Variants in SIPA1L3 observed in about 807,000 individuals in gnomAD.
The protein encoded by SIPA1L3 is signal induced proliferation associated 1 like 3, also known as signal-induced proliferation-associated 1-like protein 3.
In SIPA1L3, 59 loss-of-function variants were observed where a neutral mutation model predicts 150.1. That is an observed-to-expected ratio of 0.39 (90% CI 0.32 to 0.49). The LOEUF (loss-of-function observed/expected upper bound fraction) is 0.49. SIPA1L3 is among the 20% of genes least tolerant of loss of function. The pLI, the probability that SIPA1L3 is intolerant of heterozygous loss-of-function variation, is 0.86. For missense variants in SIPA1L3, 2,211 were observed against 2,489.5 expected, an observed-to-expected ratio of 0.89 and a Z score of 2.38; for synonymous variants, 1,070 against 1,077.6, an observed-to-expected ratio of 0.99 and a Z score of 0.14.
intron 1 of SIPA1L3, among the ~76,000 whole-genome samples, chr19:37,996,375 G>A (rs1353939037): frequency 6.6e-6 from 1 of 152,154 alleles, no homozygotes; most frequent in Non-Finnish European, 1.5e-5. Context: ...ACAGGCGGGA[G>A]CCCAGCCTTT....
At chr19:38,093,448 G>A (rs1970306578) in intron 4 of SIPA1L3, among the ~76,000 whole-genome samples, 1 of 152,130 alleles carries the variant, frequency 6.6e-6, no homozygotes, top group Non-Finnish European at 1.5e-5. Context: ...TTACAGAACT[G>A]TGTTGTGGGC....
At position 38,195,613 on chromosome 19, in the gene SIPA1L3, C is replaced by T. The variant is rs546611456; in HGVS notation, c.4840+1833C>T. Among the ~76,000 whole-genome samples the T allele has an allele frequency of 3.5e-4, 54 of 152,290 alleles. No homozygotes were observed. In the South Asian group the frequency reaches 9.5e-3, roughly 27 times the overall value. On this transcript the variant is annotated intron_variant, in intron 18 of 21. Transcript: ENST00000222345. ...GTAGATGTTCAGTCACTGCAAAGGA[C>T]GGGGACAGCGGCCACCACGGAGAGG...
Position 38,201,929 on chromosome 19 carries a change from C to T in SIPA1L3, c.5052C>T (p.His1684=), listed in dbSNP as rs376478955. ...TGAGCCCGGACATCCCGCCTGCACA[C>T]AGTCCTGTCCACAGCCACCTGAGCC... ...PALSPDIPPA[H]SPVHSHLSLE... Residue 1684 remains histidine (H), a synonymous_variant, in exon 20 of 22, where the codon CAC becomes CAT. Coordinates refer to ENST00000222345, the MANE Select transcript of SIPA1L3 (RefSeq NM_015073.3). 3.7e-6 allele frequency: 6 copies of T among 1,614,066 alleles called. No individual in the cohort carries two copies. In the African/African-American group the frequency reaches 6.7e-5, roughly 18 times the overall value.
chr19:38,017,641 T>C (rs543752448), intron 1 of SIPA1L3, among the ~76,000 whole-genome samples: 50 of 151,036 alleles, frequency 3.3e-4, no homozygotes, highest in Non-Finnish European at 6.9e-4. Context: ...CCTCCAGCCC[T>C]CAGCCTCCTG....
intron 3 of SIPA1L3, among the ~76,000 whole-genome samples, chr19:38,085,082 C>G (rs1168632124): frequency 6.6e-6 from 1 of 152,146 alleles, no homozygotes; most frequent in Non-Finnish European, 1.5e-5. Context: ...CATAGCTGAT[C>G]CACGTGATAC....
At chr19:38,102,126 A>G (rs1385428970) in intron 6 of SIPA1L3, among the ~76,000 whole-genome samples, 2 of 148,194 alleles carry the variant, frequency 1.3e-5, no homozygotes, top group African/African-American at 5.0e-5. Flanking sequence ...AGCTCACTGC[A>G]ACCTCCGCCT....
intron 9 of SIPA1L3, among the ~76,000 whole-genome samples, chr19:38,122,652 G>A (rs1347300664): frequency 6.6e-6 from 1 of 152,140 alleles, no homozygotes; most frequent in Non-Finnish European, 1.5e-5. Flanking sequence ...AAGCCCATGA[G>A]GCCGGGTGTG....
chr19:38,048,609 G>A (rs1363307536), intron 2 of SIPA1L3, among the ~76,000 whole-genome samples: 1 of 152,210 alleles, frequency 6.6e-6, no homozygotes, highest in East Asian at 1.9e-4. Flanking sequence ...TGGAAACTGA[G>A]TAGACAACCA....
chr19:38,117,187 A>G (rs1187122950), intron 8 of SIPA1L3, among the ~76,000 whole-genome samples: 1 of 152,116 alleles, frequency 6.6e-6, no homozygotes, highest in African/African-American at 2.4e-5. Flanking sequence ...TGACCCATCC[A>G]GGGTTGGAGT....
In SIPA1L3 at chr19:38,081,504, G is replaced by C. The variant is rs2304131; in HGVS notation, c.-62G>C. On this transcript the variant is annotated 5_prime_UTR_variant, in exon 3 of 22. Transcript: ENST00000222345. ...TGCCCTGAACAATGGCTGAGGGCTG[G>C]GGGACCCCATAGAGTGACACCACAG... 4.2e-5 allele frequency: 61 copies of C among 1,468,236 alleles called. No homozygotes were observed. In the East Asian group the frequency reaches 1.3e-3, roughly 32 times the overall value. 91.0% of individuals were successfully genotyped at this position (1,468,236 alleles called of 1,614,324 possible).
intron 16 of SIPA1L3, among the ~76,000 whole-genome samples, chr19:38,186,683 C>T (rs891621589): frequency 6.7e-6 from 1 of 149,362 alleles, no homozygotes; most frequent in African/African-American, 2.4e-5. Context: ...GTTGCAGATA[C>T]ATTTTAAAAA....
chr19:37,916,217 G>A (rs2046413519), intron 1 of SIPA1L3, among the ~76,000 whole-genome samples: 1 of 151,654 alleles, frequency 6.6e-6, no homozygotes, highest in Admixed American at 6.6e-5. Flanking sequence ...AGTAGAGATG[G>A]GGTTTTACCA....
In SIPA1L3 at chr19:38,182,548, C is replaced by T. The variant is rs370575260; in HGVS notation, c.4238C>T (p.Ala1413Val). ...ATGGGCTCGAGGGTTGGCTACCCCGCTCAGGTTTACAAAACTGCCAGTGCA... is the reference window on the plus strand; with the variant it reads ...ATGGGCTCGAGGGTTGGCTACCCCGTTCAGGTTTACAAAACTGCCAGTGCA... ...SDMGSRVGYPAQVYKTASAET... is the reference protein window; with the variant it reads ...SDMGSRVGYPVQVYKTASAET... The change falls in exon 16 of 22, where the codon GCT becomes GTT. Residue 1413 changes from alanine to valine, a missense_variant. Physicochemically the swap from Ala to Val is moderately conservative, Grantham distance 64 (BLOSUM62 0). Around this residue, in one of 5 missense-constraint regions of SIPA1L3, gnomAD observed 806 missense variants for 870.1 expected, o/e 0.93. Coordinates refer to ENST00000222345, the MANE Select transcript of SIPA1L3 (RefSeq NM_015073.3). 4 of 1,613,506 alleles carry T rather than the reference C, an allele frequency of 2.5e-6. No individual in the cohort carries two copies. The African/African-American group carries it at 4.0e-5, about 16-fold the overall frequency.
At chr19:37,988,128 CTG>C (rs1317801098) in intron 1 of SIPA1L3, among the ~76,000 whole-genome samples, 9 of 152,228 alleles carry the variant, frequency 5.9e-5, no homozygotes, top group Non-Finnish European at 1.3e-4. Flanking sequence ...GGTCTGTCCT[CTG>C]CACTCAGCCA....
At chr19:38,126,085 A>C (rs1363452870) in intron 9 of SIPA1L3, among the ~76,000 whole-genome samples, 2 of 152,100 alleles carry the variant, frequency 1.3e-5, no homozygotes, top group African/African-American at 4.8e-5. Context: ...GAGGCAGAAG[A>C]ATGGCGTGAA....
At chr19:38,117,911 G>A (rs574770587) in intron 8 of SIPA1L3, among the ~76,000 whole-genome samples, 2 of 151,776 alleles carry the variant, frequency 1.3e-5, no homozygotes, top group South Asian at 2.1e-4. Context: ...TCAGCCTCCC[G>A]AGTAGCTGGG....
intron 2 of SIPA1L3, among the ~76,000 whole-genome samples, chr19:38,049,527 T>A (rs1969141464): frequency 6.6e-6 from 1 of 152,102 alleles, no homozygotes. Flanking sequence ...TGCCCCTAGC[T>A]CCACCCCACT....
At chr19:38,166,501 C>G (rs990962244) in intron 15 of SIPA1L3, among the ~76,000 whole-genome samples, 1 of 151,886 alleles carries the variant, frequency 6.6e-6, no homozygotes, top group African/African-American at 2.4e-5. Flanking sequence ...ATTGGCGAGC[C>G]AGCAGCCTAG....
At chr19:38,079,207 C>T (rs1286119741) in intron 2 of SIPA1L3, among the ~76,000 whole-genome samples, 2 of 152,154 alleles carry the variant, frequency 1.3e-5, no homozygotes, top group African/African-American at 4.8e-5. Context: ...GTGGCAGGCA[C>T]CTGTAGTCCC....
Sources: allele counts gnomAD v4.1 joint callset (sites outside exome capture counted in the v4.1 genomes callset), GRCh38; gene constraint gnomAD v4.1.1; regional missense constraint gnomAD v4.1.1; transcripts MANE v1.5; gene names NCBI Gene and HGNC (gene_info 2026-07-23, HGNC 2026-07-21).